Variants in STAU2 observed in about 807,000 individuals in gnomAD.
The protein encoded by STAU2 is double-stranded RNA-binding protein Staufen homolog 2.
A neutral mutation model predicts 65.9 loss-of-function variants in STAU2; 20 were observed. The ratio of observed to expected loss-of-function variants is 0.30; its 90% CI spans 0.21 to 0.44. The LOEUF (loss-of-function observed/expected upper bound fraction) is 0.44, where lower values mean the gene tolerates loss of function less well. STAU2 is among the 20% of genes least tolerant of loss of function. The probability of loss-of-function intolerance (pLI) is 1.00; values close to 1 mark genes in which losing one functional copy is unlikely to be tolerated. For synonymous variants in STAU2, 232 were observed against 233.9 expected (o/e 0.99, Z 0.07); for missense variants, 558 against 683.9 (o/e 0.82, Z 2.05).
intron 7 of STAU2, 121 bp from the exon 8 acceptor site, chr8:73,615,903 T>A (rs984351741): frequency 4.5e-6 from 3 of 669,058 alleles, no homozygotes; most frequent in Non-Finnish European, 7.6e-6. Flanking sequence ...ATAGACTGTA[T>A]CTGCTGCATT....
At position 73,679,614 on chromosome 8, in the gene STAU2, G is replaced by T. The variant is rs144459482; in HGVS notation, c.275-6372C>A. Reference sequence around the variant, plus strand: ...TAGAAGAAGCAGGCCAGGAATGGTGGGTCATGCCTGTAATCCCAACACTTT... The same window carrying T: ...TAGAAGAAGCAGGCCAGGAATGGTGTGTCATGCCTGTAATCCCAACACTTT... On this transcript the variant is annotated intron_variant, in intron 5 of 14. Coordinates refer to ENST00000524300, the MANE Select transcript of STAU2 (RefSeq NM_001164380.2). Among the ~76,000 whole-genome samples, 437 of 152,206 alleles carry T rather than the reference G, an allele frequency of 2.9e-3. 3 individuals are homozygous for T. Among genetic ancestry groups the T allele is most frequent in the African/African-American group, 0.01 (417 of 41,498 alleles).
rs944066947 is a variant in STAU2 at position 73,471,357 on chromosome 8, AT to A, written c.1531-48656del. ...CTGGCTAATTTATTTTTTTATTTTT[AT>A]TTTTTTTTTAGTAAAGATGGCGTTT... is the stretch of plus-strand genomic sequence containing the variant. On this transcript the variant is annotated intron_variant, in intron 13 of 14. Transcript: ENST00000524300. Among the ~76,000 whole-genome samples the A allele has an allele frequency of 1.0e-4, 15 of 143,916 alleles. 1 individual carries two copies. The highest frequency in any genetic ancestry group is 6.6e-4 in the South Asian group (3 of 4,520). The allele number at this position is 143,916 out of a possible 152,430, so 94.4% of individuals were successfully genotyped here. A position where few individuals can be genotyped will look rare whatever the true frequency, so the allele number is the denominator to read the frequency against.
At position 73,470,813 on chromosome 8, in the gene STAU2, AAT is replaced by A. The variant is rs1491104527; in HGVS notation, c.1531-48113_1531-48112del. 4.4e-5 allele frequency among the ~76,000 whole-genome samples: 6 copies of A among 136,964 alleles called. No homozygotes were observed. In the South Asian group the frequency reaches 1.1e-3, roughly 26 times the overall value. 89.9% of individuals were successfully genotyped at this position (136,964 alleles called of 152,430 possible). A position where few individuals can be genotyped will look rare whatever the true frequency, so the allele number is the denominator to read the frequency against. The stretch of plus-strand genomic sequence containing the variant: ...AGTGAGATCCTGCCTCTAAAAAAAA[AAT>A]TTTTTTTTAAATAATAGAGATAGTG... On this transcript the variant is annotated intron_variant, in intron 13 of 14. Coordinates refer to ENST00000524300, the MANE Select transcript of STAU2 (RefSeq NM_001164380.2).
intron 13 of STAU2, among the ~76,000 whole-genome samples, chr8:73,530,626 G>A (rs1343565112): frequency 6.6e-6 from 1 of 152,146 alleles, no homozygotes; most frequent in Non-Finnish European, 1.5e-5. Flanking sequence ...TAGAAATTTT[G>A]ACTGAGTTTG....
At chr8:73,569,622 C>T (rs924653361) in intron 12 of STAU2, among the ~76,000 whole-genome samples, 2 of 151,996 alleles carry the variant, frequency 1.3e-5, no homozygotes, top group South Asian at 2.1e-4. Context: ...TCCACAGGAA[C>T]GATCAGGCAG....
intron 1 of STAU2, chr8:73,742,336 T>A: frequency 1.7e-6 from 1 of 604,906 alleles, no homozygotes; most frequent in Non-Finnish European, 2.1e-6. Flanking sequence ...AGTTCGAGAC[T>A]AGCCTGGCGA....
intron 12 of STAU2, among the ~76,000 whole-genome samples, chr8:73,560,456 G>A (rs763413265): frequency 1.3e-5 from 2 of 152,156 alleles, no homozygotes; most frequent in Non-Finnish European, 2.9e-5. Context: ...TACCCTTAGA[G>A]TTGAACGGAA....
At chr8:73,522,002 A>G (rs1585924696) in intron 13 of STAU2, among the ~76,000 whole-genome samples, 1 of 152,346 alleles carries the variant, frequency 6.6e-6, no homozygotes, top group African/African-American at 2.4e-5. Flanking sequence ...TTTCATGTAT[A>G]TGAAGCAAGT....
intron 13 of STAU2, among the ~76,000 whole-genome samples, chr8:73,437,193 C>T (rs73318753): frequency 0.021 from 3,187 of 152,240 alleles, 106 homozygotes; most frequent in African/African-American, 0.074. Context: ...ATCCATGTCA[C>T]CTGTGGTATG....
chr8:73,724,610 G>C (rs1218027151), intron 3 of STAU2, among the ~76,000 whole-genome samples: 2 of 151,190 alleles, frequency 1.3e-5, no homozygotes, highest in African/African-American at 4.9e-5. Flanking sequence ...AGTGTTCTGA[G>C]CACATTTAAG....
intron 4 of STAU2, among the ~76,000 whole-genome samples, chr8:73,696,117 C>G (rs1819681174): frequency 6.6e-6 from 1 of 152,192 alleles, no homozygotes; most frequent in Non-Finnish European, 1.5e-5. Context: ...AAAAGAACAA[C>G]AATCTCTGCC....
At chr8:73,574,466 T>C (rs1188265566) in intron 12 of STAU2, among the ~76,000 whole-genome samples, 12 of 152,184 alleles carry the variant, frequency 7.9e-5, no homozygotes, top group Non-Finnish European at 1.3e-4. Flanking sequence ...TGTATGCTTA[T>C]TGCAGCACTA....
At chr8:73,445,521 T>C (rs1254884209) in intron 13 of STAU2, among the ~76,000 whole-genome samples, 3 of 152,138 alleles carry the variant, frequency 2.0e-5, no homozygotes, top group Non-Finnish European at 2.9e-5. Context: ...TTGGACCTCA[T>C]CAAATTACAA....
At chr8:73,673,423 A>T (rs1817826637) in intron 5 of STAU2, among the ~76,000 whole-genome samples, 181 bp from the exon 6 acceptor site, 1 of 152,098 alleles carries the variant, frequency 6.6e-6, no homozygotes, top group Non-Finnish European at 1.5e-5. Flanking sequence ...TTCCTAATAA[A>T]ATCTTGGGAT....
Position 73,601,811 on chromosome 8 carries a change from G to A in STAU2, c.1029+1915C>T, listed in dbSNP as rs144261300. Among the ~76,000 whole-genome samples the A allele has an allele frequency of 2.2e-4, 34 of 152,196 alleles. No individual in the cohort carries two copies. In the East Asian group the frequency reaches 6.4e-3, roughly 29 times the overall value. On this transcript the variant is annotated intron_variant, in intron 10 of 14. Transcript: ENST00000524300. Reference sequence around the variant, plus strand: ...GGTACTCAATATACTCTGTAGAAAAGGATTTGTTTAATAAAGCCAAAGCCA... The same window carrying A: ...GGTACTCAATATACTCTGTAGAAAAAGATTTGTTTAATAAAGCCAAAGCCA...
chr8:73,728,493 T>C (rs1805810226), intron 3 of STAU2, among the ~76,000 whole-genome samples: 1 of 151,824 alleles, frequency 6.6e-6, no homozygotes, highest in African/African-American at 2.4e-5. Context: ...CAATGGAATT[T>C]TGATAGAGAT....
At chr8:73,600,667 A>G (rs1811572542) in intron 10 of STAU2, among the ~76,000 whole-genome samples, 1 of 152,154 alleles carries the variant, frequency 6.6e-6, no homozygotes, top group African/African-American at 2.4e-5. Flanking sequence ...AGCTTCCTCT[A>G]CTGCTCTGAG....
chr8:73,482,674 A>G (rs1277954937), intron 13 of STAU2, among the ~76,000 whole-genome samples: 10 of 152,262 alleles, frequency 6.6e-5, no homozygotes, highest in Non-Finnish European at 1.5e-4. Context: ...TATATATACT[A>G]TTAAGAAATT....
At chr8:73,615,030 GA>G (rs978514771) in intron 8 of STAU2, among the ~76,000 whole-genome samples, 21 of 152,156 alleles carry the variant, frequency 1.4e-4, no homozygotes, top group Non-Finnish European at 2.4e-4. Flanking sequence ...CATACAATGT[GA>G]GGGAAGAATC....
Sources: gnomAD v4.1 joint callset for allele counts (sites outside exome capture counted in the v4.1 genomes callset) on GRCh38, gnomAD v4.1.1 for gene constraint, MANE v1.5 for transcripts, NCBI Gene and HGNC (gene_info 2026-07-23, HGNC 2026-07-21) for gene names.